ATF2: variants seen among roughly 807,000 people sequenced by gnomAD.
ATF2 encodes activating transcription factor 2.
ATF2 carries 24 observed loss-of-function variants against 60.6 expected under a neutral mutation model. That is an observed-to-expected ratio of 0.40 (90% CI 0.29 to 0.56). The LOEUF is 0.56. Ranked by LOEUF, ATF2 falls within the 20% of genes least tolerant of loss-of-function variation. ATF2 has a pLI of 0.54. For synonymous variants in ATF2, 206 were observed against 215.4 expected, an observed-to-expected ratio of 0.96 and a Z score of 0.38; for missense variants, 433 against 607.7, an observed-to-expected ratio of 0.71 and a Z score of 3.02.
At chr2:175,136,568 A>G in intron 2 of ATF2, 82 bp from the exon 3 acceptor site, 1 of 861,132 alleles carries the variant, frequency 1.2e-6, no homozygotes, top group South Asian at 1.6e-5. Flanking sequence ...TGCTCAAATT[A>G]CTCTCTGTAA....
chr2:175,098,250 T>C (rs962674048), intron 10 of ATF2, among the ~76,000 whole-genome samples: 3 of 152,178 alleles, frequency 2.0e-5, no homozygotes, highest in African/African-American at 7.2e-5. Context: ...TTAGTGAAAA[T>C]GGTCATATGT....
chr2:175,118,312 T>G lies in ATF2; in HGVS notation c.257A>C (p.Asn86Thr), dbSNP rs761545814. 6.2e-7 allele frequency: 1 copy of G among 1,611,128 alleles called. No homozygotes were observed. The highest frequency in any genetic ancestry group is 8.5e-7 in the Non-Finnish European group (1 of 1,178,464). Residue 86 changes from asparagine (N) to threonine (T), a missense_variant, in exon 6 of 14, where the codon AAT becomes ACT. Coordinates refer to ENST00000264110, the MANE Select transcript of ATF2 (RefSeq NM_001880.4). ...LKNCEEVGLF[N>T]ELASPFENEF... The stretch of plus-strand genomic sequence containing the variant: ...ATTCTCAAATGGACTCGCCAACTCA[T>G]TAAACAAACCCACTTCTTCACAGTT...
At chr2:175,075,124 T>G in intron 13 of ATF2, 6 of 1,148,044 alleles carry the variant, frequency 5.2e-6, no homozygotes, top group Non-Finnish European at 5.6e-6. Context: ...AGGGAGAGTT[T>G]GGAAGATAGT....
At chr2:175,083,541 C>G (rs1348382197) in intron 12 of ATF2, among the ~76,000 whole-genome samples, 1 of 152,120 alleles carries the variant, frequency 6.6e-6, no homozygotes, top group African/African-American at 2.4e-5. Context: ...CATAAAAACC[C>G]TAGAAGAAAA....
chr2:175,092,809 C>A (rs13024854), intron 12 of ATF2, among the ~76,000 whole-genome samples: 1 of 151,926 alleles, frequency 6.6e-6, no homozygotes, highest in African/African-American at 2.4e-5. Context: ...AAGTTCAAAC[C>A]GGATAGTTTA....
At chr2:175,146,708 G>A (rs747116655) in intron 2 of ATF2, among the ~76,000 whole-genome samples, 100 of 152,164 alleles carry the variant, frequency 6.6e-4, no homozygotes, top group Non-Finnish European at 1.2e-3. Context: ...TGATGAAATC[G>A]CATCTTCTTG....
intron 1 of ATF2, among the ~76,000 whole-genome samples, chr2:175,157,442 G>A (rs1699755680): frequency 6.6e-6 from 1 of 152,298 alleles, no homozygotes; most frequent in African/African-American, 2.4e-5. Context: ...ACGTCTGGGA[G>A]GAACATTGGA....
intron 1 of ATF2, among the ~76,000 whole-genome samples, chr2:175,159,764 T>G (rs1036881841): frequency 2.0e-5 from 3 of 152,168 alleles, no homozygotes; most frequent in Admixed American, 6.5e-5. Context: ...TTTAAAATTA[T>G]AATAGAATAA....
chr2:175,120,964 T>A (rs925589782), intron 5 of ATF2, among the ~76,000 whole-genome samples: 1 of 151,722 alleles, frequency 6.6e-6, no homozygotes, highest in Non-Finnish European at 1.5e-5. Context: ...ATTTAGAGCC[T>A]CCTTACTGAG....
chr2:175,148,915 T>C (rs1384198304), intron 2 of ATF2, among the ~76,000 whole-genome samples: 2 of 152,142 alleles, frequency 1.3e-5, no homozygotes, highest in Non-Finnish European at 2.9e-5. Context: ...AATGTATTGA[T>C]TGATGTCTTA....
At chr2:175,093,336 G>A (rs1338064816) in intron 11 of ATF2, 69 bp from the exon 12 acceptor site, 1 of 1,455,766 alleles carries the variant, frequency 6.9e-7, no homozygotes, top group Non-Finnish European at 9.4e-7. Flanking sequence ...GGCAGTAAAG[G>A]GTGTCAAAGG....
At chr2:175,114,534 T>G (rs530321981) in intron 8 of ATF2, 156 bp downstream of exon 8, 1 of 1,342,674 alleles carries the variant, frequency 7.4e-7, no homozygotes, top group South Asian at 2.2e-5. Flanking sequence ...ATATTTATAT[T>G]AAAGAAGACT....
chr2:175,122,686 C>T (rs537845210), intron 4 of ATF2, among the ~76,000 whole-genome samples: 1 of 151,998 alleles, frequency 6.6e-6, no homozygotes, highest in Non-Finnish European at 1.5e-5. Flanking sequence ...CGGCACAATG[C>T]CTTGGTTATA....
chr2:175,114,214 C>T (rs1696394662), intron 8 of ATF2, 106 bp from the exon 9 acceptor site: 2 of 1,422,356 alleles, frequency 1.4e-6, no homozygotes, highest in Non-Finnish European at 1.8e-6. Flanking sequence ...TTTAAAAATA[C>T]ATTTTCTAAC....
At chr2:175,166,532 T>C (rs1234220415) in intron 1 of ATF2, among the ~76,000 whole-genome samples, 1 of 152,198 alleles carries the variant, frequency 6.6e-6, no homozygotes, top group African/African-American at 2.4e-5. Flanking sequence ...ACAAAGTTTT[T>C]ACGGTGGATT....
Position 175,074,403 on chromosome 2 carries a change from A to G in ATF2, c.*206T>C. ...TAAATCTAATAATATTTATAAAAAAAGCAAAATCAGTCTTTTTCCAGAGAC... is the reference window on the plus strand; with the variant it reads ...TAAATCTAATAATATTTATAAAAAAGGCAAAATCAGTCTTTTTCCAGAGAC... On this transcript the variant is annotated 3_prime_UTR_variant, in exon 14 of 14. Transcript: ENST00000264110. The G allele has an allele frequency of 2.4e-6, 1 of 424,520 alleles. No individual in the cohort carries two copies. The highest frequency in any genetic ancestry group is 4.1e-6 in the Non-Finnish European group (1 of 246,870). The allele number at this position is 424,520 out of a possible 1,614,324, so 26.3% of individuals were successfully genotyped here.
At chr2:175,091,072 A>C (rs1694515172) in intron 12 of ATF2, among the ~76,000 whole-genome samples, 1 of 152,198 alleles carries the variant, frequency 6.6e-6, no homozygotes, top group Non-Finnish European at 1.5e-5. Context: ...TGCCCAGCTT[A>C]AAATCCCTGT....
chr2:175,141,971 T>C (rs530986747), intron 2 of ATF2, among the ~76,000 whole-genome samples: 2 of 151,898 alleles, frequency 1.3e-5, no homozygotes, highest in South Asian at 4.2e-4. Context: ...CTCCCAAGAT[T>C]AGAGGAAGAG....
chr2:175,162,364 C>A (rs268156), intron 1 of ATF2, among the ~76,000 whole-genome samples: 137,977 of 152,276 alleles, frequency 0.91, 62,559 homozygotes, highest in East Asian at 1. Flanking sequence ...TCATAACTCC[C>A]AAGTTCACAA....
Sources: allele counts gnomAD v4.1 joint callset (sites outside exome capture counted in the v4.1 genomes callset), GRCh38; gene constraint gnomAD v4.1.1; transcripts MANE v1.5; gene names NCBI Gene and HGNC (gene_info 2026-07-23, HGNC 2026-07-21).